The following FNDC3B variants were observed in gnomAD, a reference collection of about 807,000 sequenced individuals.
The protein encoded by FNDC3B is fibronectin type III domain containing 3B.
A neutral mutation model predicts 151.5 loss-of-function variants in FNDC3B; 12 were observed. The observed-to-expected ratio is 0.08, with a 90% CI of 0.05 to 0.13. FNDC3B has a LOEUF of 0.13. Among genes scored for constraint, FNDC3B ranks in the 10% least tolerant of loss-of-function variants. The probability of loss-of-function intolerance (pLI) is 1.00; values close to 1 mark genes in which losing one functional copy is unlikely to be tolerated. For synonymous variants in FNDC3B, 528 were observed against 549.0 expected (o/e 0.96, Z 0.54); for missense variants, 1,214 against 1,505.3 (o/e 0.81, Z 3.20).
chr3:172,373,165 A>C (rs185522328), intron 23 of FNDC3B, among the ~76,000 whole-genome samples: 3 of 152,266 alleles, frequency 2.0e-5, no homozygotes, highest in Admixed American at 1.3e-4. Flanking sequence ...TTAGAAACCA[A>C]GGTATTGAGG....
intron 1 of FNDC3B, among the ~76,000 whole-genome samples, chr3:172,068,252 C>G (rs1331205966): frequency 6.6e-6 from 1 of 152,170 alleles, no homozygotes; most frequent in Non-Finnish European, 1.5e-5. Context: ...TGATGCTCTG[C>G]CGAGTGAATG....
chr3:172,289,626 G>A (rs754628453), intron 7 of FNDC3B, among the ~76,000 whole-genome samples: 9 of 152,062 alleles, frequency 5.9e-5, no homozygotes, highest in Non-Finnish European at 1.0e-4. Context: ...TTAACTTTTC[G>A]CTCCTAATAC....
At chr3:172,240,166 C>G (rs1478134944) in intron 4 of FNDC3B, among the ~76,000 whole-genome samples, 1 of 152,164 alleles carries the variant, frequency 6.6e-6, no homozygotes, top group African/African-American at 2.4e-5. Context: ...CCACCGCGCT[C>G]AGCCCCATTT....
At chr3:172,315,993 T>C (rs1328175612) in intron 11 of FNDC3B, among the ~76,000 whole-genome samples, 1 of 144,256 alleles carries the variant, frequency 6.9e-6, no homozygotes, top group African/African-American at 2.6e-5. Context: ...CCTTCTTCTT[T>C]CTTCTTCTTT....
chr3:172,330,524 A>C lies in FNDC3B; in HGVS notation c.1380-17A>C. The C allele has an allele frequency of 6.2e-7, 1 of 1,600,122 alleles. No individual in the cohort carries two copies. Among genetic ancestry groups the C allele is most frequent in the East Asian group, 2.2e-5 (1 of 44,502 alleles). ...TCACATGCTTCTAACTGTGTGCCTC[A>C]CTTTCTTTCTCTACAGTGGTTATAG... On this transcript the variant is annotated splice_polypyrimidine_tract_variant and intron_variant, in intron 12 of 25. Coordinates refer to ENST00000415807, the MANE Select transcript of FNDC3B (RefSeq NM_022763.4).
At chr3:172,091,752 T>C (rs1178065357) in intron 1 of FNDC3B, among the ~76,000 whole-genome samples, 1 of 152,212 alleles carries the variant, frequency 6.6e-6, no homozygotes, top group African/African-American at 2.4e-5. Context: ...AAATACCTCT[T>C]AACACACATT....
In FNDC3B at chr3:172,352,732, C is replaced by A; in HGVS notation, c.2515-71C>A. The A allele has an allele frequency of 1.4e-6, 2 of 1,442,288 alleles. No individual in the cohort carries two copies. Among genetic ancestry groups the A allele is most frequent in the Non-Finnish European group, 1.9e-6 (2 of 1,061,968 alleles). 89.3% of individuals were successfully genotyped at this position (1,442,288 alleles called of 1,614,324 possible). ...GTACTACTTTAGATTTATTTAATGG[C>A]AGCTAACTCAGAGGCATCAAAATGT... On this transcript the variant is annotated intron_variant, in intron 21 of 25. Transcript: ENST00000415807. The surrounding 1 kb of genome is among the most constrained non-coding windows in gnomAD (Gnocchi z 4.2).
chr3:172,190,961 G>A (rs1428289222), intron 3 of FNDC3B, among the ~76,000 whole-genome samples: 1 of 152,200 alleles, frequency 6.6e-6, no homozygotes, highest in Non-Finnish European at 1.5e-5. Context: ...GAGCCACCAT[G>A]CCCAGCCCCA....
chr3:172,354,505 T>A (rs1055981110), intron 22 of FNDC3B, among the ~76,000 whole-genome samples: 22 of 151,272 alleles, frequency 1.5e-4, no homozygotes, highest in African/African-American at 4.6e-4. Context: ...TAAAAAAAAA[T>A]AATAATAATA....
chr3:172,112,378 T>C, intron 1 of FNDC3B, 74 bp from the exon 2 acceptor site: 2 of 777,524 alleles, frequency 2.6e-6, no homozygotes, highest in Non-Finnish European at 2.3e-6. Context: ...ACTTAGATTG[T>C]TATGTGACTT....
rs182735538 is a variant in FNDC3B at position 172,324,283 on chromosome 3, C to T, written c.1255-4669C>T. On this transcript the variant is annotated intron_variant, in intron 11 of 25. Coordinates refer to ENST00000415807, the MANE Select transcript of FNDC3B (RefSeq NM_022763.4). The stretch of plus-strand genomic sequence containing the variant: ...ACTTACTGGCGAGCCAAGTCCTTTC[C>T]TGGAGAGCAGTTTTGACCAGAAGTG... Among the ~76,000 whole-genome samples the T allele has an allele frequency of 6.6e-5, 10 of 152,172 alleles. No individual in the cohort carries two copies. In the East Asian group the frequency reaches 1.9e-3, roughly 29 times the overall value.
intron 3 of FNDC3B, among the ~76,000 whole-genome samples, chr3:172,140,115 T>C (rs115717322): frequency 2.3e-3 from 358 of 152,346 alleles, no homozygotes; most frequent in African/African-American, 8.2e-3. Context: ...GCCATCTTTC[T>C]TTCTGATTGA....
chr3:172,314,906 C>T (rs779009491), intron 11 of FNDC3B, among the ~76,000 whole-genome samples: 9 of 152,224 alleles, frequency 5.9e-5, no homozygotes, highest in Non-Finnish European at 1.3e-4. Flanking sequence ...CTTAAATTCA[C>T]TGTCATTAAT....
chr3:172,112,459 G>A lies in FNDC3B; in HGVS notation c.-21G>A. 1.9e-6 allele frequency: 3 copies of A among 1,574,172 alleles called. No individual in the cohort carries two copies. Among genetic ancestry groups the A allele is most frequent in the Non-Finnish European group, 2.6e-6 (3 of 1,143,538 alleles). On this transcript the variant is annotated 5_prime_UTR_variant, in exon 2 of 26. Transcript: ENST00000415807. ...GCGGCGGTTCTCTTGCAGGAAGCCA[G>A]TTGAGGGAAGTTCTCCATGAATGTA...
At chr3:172,300,767 T>C (rs1239691626) in intron 9 of FNDC3B, among the ~76,000 whole-genome samples, 2 of 152,216 alleles carry the variant, frequency 1.3e-5, no homozygotes, top group Non-Finnish European at 2.9e-5. Flanking sequence ...TCCAGGAAGA[T>C]AGGAAGTTCT....
At chr3:172,338,418 C>T (rs73167280) in intron 16 of FNDC3B, 13,156 of 151,954 alleles carry the variant, frequency 0.087, 595 homozygotes, top group Middle Eastern at 0.14. Flanking sequence ...CTACAAATTC[C>T]CATGCATGAT....
At chr3:172,080,836 G>A (rs1189149999) in intron 1 of FNDC3B, among the ~76,000 whole-genome samples, 2 of 152,170 alleles carry the variant, frequency 1.3e-5, no homozygotes, top group Admixed American at 1.3e-4. Context: ...TCCTTGTAGA[G>A]TAGATTCTCT....
At chr3:172,147,032 G>A (rs1721946911) in intron 3 of FNDC3B, among the ~76,000 whole-genome samples, 1 of 152,156 alleles carries the variant, frequency 6.6e-6, no homozygotes, top group South Asian at 2.1e-4. Flanking sequence ...AGAAGGCCAG[G>A]CGTGGTGCCT....
chr3:172,287,417 C>T (rs1730080635), intron 7 of FNDC3B, among the ~76,000 whole-genome samples: 1 of 152,154 alleles, frequency 6.6e-6, no homozygotes, highest in South Asian at 2.1e-4. Flanking sequence ...ACAGGGAGAT[C>T]ACATGCATAG....
Sources: gnomAD v4.1 joint callset for allele counts (sites outside exome capture counted in the v4.1 genomes callset) on GRCh38, gnomAD v4.1.1 for gene constraint, Gnocchi (gnomAD v3.1) non-coding constraint, MANE v1.5 for transcripts, NCBI Gene and HGNC (gene_info 2026-07-23, HGNC 2026-07-21) for gene names.